The following FN1 variants were observed in gnomAD, a reference collection of about 807,000 sequenced individuals.
FN1 encodes the protein fibronectin 1, also known as fibronectin.
A neutral mutation model predicts 297.3 loss-of-function variants in FN1; 106 were observed. The ratio of observed to expected loss-of-function variants is 0.36; its 90% CI spans 0.30 to 0.42. FN1 has a LOEUF of 0.42. Ranked by LOEUF, FN1 falls within the 10% of genes least tolerant of loss-of-function variation. The probability of loss-of-function intolerance (pLI) is 1.00; values close to 1 mark genes in which losing one functional copy is unlikely to be tolerated. For synonymous variants in FN1, 1,149 were observed against 1,152.6 expected (o/e 1.00, Z 0.06); for missense variants, 2,690 against 3,124.9 (o/e 0.86, Z 3.32).
intron 6 of FN1, among the ~76,000 whole-genome samples, chr2:215,426,395 G>A (rs866112068): frequency 8.6e-5 from 13 of 151,976 alleles, no homozygotes; most frequent in East Asian, 1.9e-4. Context: ...TGATCCACCC[G>A]CCTTGGCCTC....
At chr2:215,424,711 T>G (rs1224824480) in intron 7 of FN1, among the ~76,000 whole-genome samples, 5 of 152,332 alleles carry the variant, frequency 3.3e-5, no homozygotes, top group Non-Finnish European at 7.3e-5. Flanking sequence ...GTAGCAATTG[T>G]TATTGCCATA....
Position 215,406,382 on chromosome 2 carries a change from C to G in FN1, c.2842G>C (p.Gly948Arg). Residue 948 changes from glycine to arginine, a missense_variant, in exon 19 of 46, where the codon GGC becomes CGC. Physicochemically the swap from Gly to Arg is moderately radical, Grantham distance 125. Around this residue, in one of 3 missense-constraint regions of FN1, gnomAD observed 1,743 missense variants for 1,945.2 expected, o/e 0.90. Transcript: ENST00000354785. The part of the protein sequence containing the change: ...RVDVIPVNLP[G>R]EHGQRLPISR... ...ATGGGCAGCCTCTGCCCGTGCTCGC[C>G]AGGCAGGTTGACGGGGATCACATCC... The G allele has an allele frequency of 6.2e-7, 1 of 1,614,206 alleles. No homozygotes were observed. The highest frequency in any genetic ancestry group is 8.5e-7 in the Non-Finnish European group (1 of 1,180,044).
At position 215,375,572 on chromosome 2, in the gene FN1, T is replaced by A. The variant is rs2057128976; in HGVS notation, c.5977+57A>T. 2.2e-6 allele frequency: 3 copies of A among 1,360,010 alleles called. No homozygotes were observed. In the Admixed American group the frequency reaches 5.0e-5, roughly 23 times the overall value. The allele number at this position is 1,360,010 out of a possible 1,614,324, so 84.2% of individuals were successfully genotyped here. On this transcript the variant is annotated intron_variant, in intron 37 of 45. Coordinates refer to ENST00000354785, the MANE Select transcript of FN1 (RefSeq NM_212482.4). Reference sequence around the variant, plus strand: ...TACGCCTCACATTTGTTTTTTGAGTTCATGAAACTGATTGCATACAAGTCA... The same window carrying A: ...TACGCCTCACATTTGTTTTTTGAGTACATGAAACTGATTGCATACAAGTCA...
intron 33 of FN1, chr2:215,380,026 G>T (rs995211392): frequency 6.6e-6 from 1 of 152,406 alleles, no homozygotes; most frequent in African/African-American, 2.4e-5. Context: ...AAGTATCTTT[G>T]TATGGATAAC....
chr2:215,425,818 C>A (rs113409437), intron 6 of FN1, among the ~76,000 whole-genome samples: 6,228 of 152,196 alleles, frequency 0.041, 431 homozygotes, highest in African/African-American at 0.14. Flanking sequence ...GGGATCCACC[C>A]GCTTCGGCCT....
rs776910563 is a variant in FN1 at position 215,372,152 on chromosome 2, G to T, written c.6471C>A (p.Ala2157=). The T allele has an allele frequency of 1.4e-5, 23 of 1,614,208 alleles. No homozygotes were observed. The highest frequency in any genetic ancestry group is 1.8e-5 in the Non-Finnish European group (21 of 1,180,038). Residue 2157 remains alanine, a synonymous_variant, in exon 40 of 46, where the codon GCC becomes GCA. Transcript: ENST00000354785. ...GFRRTTPPTT[A]TPIRHRPRPY... is the part of the protein sequence containing the mutation. ...GTCTTGGCCTATGCCTTATGGGGGT[G>T]GCCGTTGTGGGCGGTGTGGTCCGCC...
intron 28 of FN1, among the ~76,000 whole-genome samples, chr2:215,386,164 G>A (rs7580800): frequency 0.21 from 28,062 of 134,928 alleles, 2,875 homozygotes; most frequent in Non-Finnish European, 0.23. Context: ...TGCAACCTTC[G>A]CCTCCCAGGT....
At chr2:215,424,411 C>A in intron 7 of FN1, 86 bp from the exon 8 acceptor site, 1 of 1,101,740 alleles carries the variant, frequency 9.1e-7, no homozygotes, top group Non-Finnish European at 1.4e-6. Context: ...CAATGAGATA[C>A]TGAGCTTGTG....
rs371467735 is a variant in FN1 at position 215,415,124 on chromosome 2, T to C, written c.1820-166A>G. Among the ~76,000 whole-genome samples, 8 of 152,192 alleles carry C rather than the reference T, an allele frequency of 5.3e-5. No homozygotes were observed. In the East Asian group the frequency reaches 7.7e-4, roughly 15 times the overall value. ...TTTAAATATTTACGTTGAAAATCAA[T>C]GCAGCAAATCCATTTTTAGCCGATA... On this transcript the variant is annotated intron_variant, in intron 12 of 45. Transcript: ENST00000354785.
intron 4 of FN1, among the ~76,000 whole-genome samples, chr2:215,431,492 A>T (rs960910421): frequency 6.6e-6 from 1 of 151,332 alleles, no homozygotes; most frequent in Non-Finnish European, 1.5e-5. Flanking sequence ...AAATGTGTCC[A>T]AAGTGTCATT....
At position 215,367,960 on chromosome 2, in the gene FN1, G is replaced by T. The variant is rs372228808; in HGVS notation, c.6921C>A (p.Ala2307=). Residue 2307 remains alanine, a synonymous_variant, in exon 42 of 46, where the codon GCC becomes GCA. Transcript: ENST00000354785. ...ACATTCGTTCCCACTCATCTCCAACGGCATAATGGGAAACTGTGTAGGGGT... is the reference window on the plus strand; with the variant it reads ...ACATTCGTTCCCACTCATCTCCAACTGCATAATGGGAAACTGTGTAGGGGT... The part of the protein sequence containing the change: ...CFDPYTVSHY[A]VGDEWERMSE... 3 of 1,614,002 alleles carry T rather than the reference G, an allele frequency of 1.9e-6. No homozygotes were observed. The highest frequency in any genetic ancestry group is 2.5e-6 in the Non-Finnish European group (3 of 1,179,990).
Position 215,381,072 on chromosome 2 carries a change from G to C in FN1, c.5173C>G (p.Arg1725Gly). ...LVQTAVTNID[R>G]PKGLAFTDVD... is the part of the protein sequence containing the mutation. ...TCAGTGAATGCCAGTCCTTTAGGGC[G>C]ATCAATGTCTGTTAGGCAAATTAAT... Residue 1725 changes from arginine to glycine, a missense_variant, in exon 33 of 46, where the codon CGC (arginine) becomes GGC (glycine). Coordinates refer to ENST00000354785, the MANE Select transcript of FN1 (RefSeq NM_212482.4). The C allele has an allele frequency of 6.2e-7, 1 of 1,614,096 alleles. No individual in the cohort carries two copies.
chr2:215,394,666 A>C lies in FN1; in HGVS notation c.3658T>G (p.Ser1220Ala), dbSNP rs1183907400. 1.2e-6 allele frequency: 2 copies of C among 1,614,138 alleles called. No individual in the cohort carries two copies. Among genetic ancestry groups the C allele is most frequent in the Middle Eastern group, 1.6e-4 (1 of 6,062 alleles). ...TCAGCATGGACCACTTCTTCCAAAG[A>C]ATTTCCCTGCTGGCCGTTTGTAGGG... ...TTPTNGQQGN[S>A]LEEVVHADQS... is the part of the protein sequence containing the mutation. Residue 1220 changes from serine (S) to alanine (A), a missense_variant, in exon 24 of 46, where the codon TCT becomes GCT. Ser to Ala is a moderately conservative substitution (Grantham distance 99). Transcript: ENST00000354785.
Position 215,435,957 on chromosome 2 carries a change from G to A in FN1, c.-155C>T. On this transcript the variant is annotated 5_prime_UTR_variant, in exon 1 of 46. Coordinates refer to ENST00000354785, the MANE Select transcript of FN1 (RefSeq NM_212482.4). Reference sequence around the variant, plus strand: ...CCAGAGGGTGGGGAAGGGGACGGGTGGAGGGACAGAAGGGATGCAGAGGAC... The same window carrying A: ...CCAGAGGGTGGGGAAGGGGACGGGTAGAGGGACAGAAGGGATGCAGAGGAC... 1.4e-6 allele frequency: 2 copies of A among 1,423,862 alleles called. No homozygotes were observed. Among genetic ancestry groups the A allele is most frequent in the African/African-American group, 2.9e-5 (2 of 69,734 alleles). The allele number at this position is 1,423,862 out of a possible 1,614,324, so 88.2% of individuals were successfully genotyped here.
intron 13 of FN1, among the ~76,000 whole-genome samples, chr2:215,414,017 T>C (rs923588975): frequency 2.6e-5 from 4 of 152,226 alleles, no homozygotes; most frequent in African/African-American, 9.6e-5. Flanking sequence ...AAATTTTTCC[T>C]GAAGAGTTTA....
intron 12 of FN1, among the ~76,000 whole-genome samples, chr2:215,416,153 G>A (rs766827281): frequency 4.6e-5 from 7 of 152,152 alleles, no homozygotes; most frequent in Middle Eastern, 6.8e-3. Flanking sequence ...TATATAACTT[G>A]GATATCCATG....
intron 25 of FN1, chr2:215,392,041 T>C: frequency 1.9e-6 from 1 of 528,644 alleles, no homozygotes; most frequent in Non-Finnish European, 3.4e-6. Flanking sequence ...ATCATTGATA[T>C]ATTTAAAAAA....
intron 41 of FN1, among the ~76,000 whole-genome samples, chr2:215,370,081 A>G (rs1370115727): frequency 6.6e-6 from 1 of 152,208 alleles, no homozygotes; most frequent in Non-Finnish European, 1.5e-5. Flanking sequence ...GAGTCTGTCA[A>G]TTACGTATGC....
intron 13 of FN1, among the ~76,000 whole-genome samples, chr2:215,411,863 T>A (rs908265255): frequency 2.6e-5 from 4 of 151,982 alleles, no homozygotes; most frequent in African/African-American, 9.7e-5. Context: ...GAGACGGGGT[T>A]TCACCATGTT....
Sources: allele counts gnomAD v4.1 joint callset (sites outside exome capture counted in the v4.1 genomes callset), GRCh38; gene constraint gnomAD v4.1.1; regional missense constraint gnomAD v4.1.1; transcripts MANE v1.5; gene names NCBI Gene and HGNC (gene_info 2026-07-23, HGNC 2026-07-21).